RBFOX1: variants seen among roughly 807,000 people sequenced by gnomAD.
The protein encoded by RBFOX1 is RNA binding fox-1 homolog 1, also known as RNA binding protein fox-1 homolog 1.
Under a neutral mutation model 57.7 loss-of-function variants are expected in RBFOX1, and 8 were observed. The observed-to-expected ratio is 0.14, with a 90% CI of 0.08 to 0.25. RBFOX1 has a LOEUF of 0.25. Ranked by LOEUF, RBFOX1 falls within the 10% of genes least tolerant of loss-of-function variation. The pLI, the probability that RBFOX1 is intolerant of heterozygous loss-of-function variation, is 1.00. For synonymous variants in RBFOX1, 326 were observed against 222.4 expected, an observed-to-expected ratio of 1.47 and a Z score of -4.15; for missense variants, 611 against 548.5, an observed-to-expected ratio of 1.11 and a Z score of -1.14.
intron 4 of RBFOX1, among the ~76,000 whole-genome samples, chr16:7,512,187 A>T (rs951988494): frequency 2.0e-5 from 3 of 152,174 alleles, no homozygotes; most frequent in East Asian, 3.9e-4. Flanking sequence ...GAATGCTCCA[A>T]ATAATTTTGC....
intron 3 of RBFOX1, among the ~76,000 whole-genome samples, chr16:6,887,684 G>T (rs1392733833): frequency 2.0e-5 from 3 of 149,132 alleles, no homozygotes; most frequent in African/African-American, 7.5e-5. Context: ...TTTTTTTGAG[G>T]CAGAGTCTCA....
chr16:6,851,860 G>T (rs1161764290), intron 3 of RBFOX1, among the ~76,000 whole-genome samples: 1 of 152,038 alleles, frequency 6.6e-6, no homozygotes, highest in Non-Finnish European at 1.5e-5. Context: ...CTAGAACAGG[G>T]ACACCACTAT....
At chr16:6,563,747 G>T (rs1309190818) in intron 2 of RBFOX1, among the ~76,000 whole-genome samples, 1 of 152,040 alleles carries the variant, frequency 6.6e-6, no homozygotes, top group African/African-American at 2.4e-5. Flanking sequence ...CATCAGTAGG[G>T]CTTGGGAGGT....
intron 3 of RBFOX1, among the ~76,000 whole-genome samples, chr16:6,676,760 T>C (rs1198510633): frequency 1.3e-5 from 2 of 151,130 alleles, no homozygotes; most frequent in East Asian, 1.9e-4. Context: ...ACTGCAACCT[T>C]TGCCTCCCAG....
intron 3 of RBFOX1, among the ~76,000 whole-genome samples, chr16:6,855,295 G>A (rs1483773647): frequency 6.6e-6 from 1 of 152,070 alleles, no homozygotes; most frequent in Admixed American, 6.5e-5. Flanking sequence ...TAGTATACAG[G>A]TCTGAGATAG....
chr16:6,617,098 C>T (rs186664023), intron 2 of RBFOX1, among the ~76,000 whole-genome samples: 13 of 152,060 alleles, frequency 8.5e-5, no homozygotes, highest in Non-Finnish European at 8.8e-5. Context: ...TGCTTTGGCC[C>T]ACCACGAAGA....
At chr16:7,415,453 A>G (rs528333734) in intron 4 of RBFOX1, among the ~76,000 whole-genome samples, 2 of 152,300 alleles carry the variant, frequency 1.3e-5, no homozygotes, top group East Asian at 3.9e-4. Flanking sequence ...ATTTCCCAGC[A>G]ATGAGTAACG....
intron 4 of RBFOX1, among the ~76,000 whole-genome samples, chr16:7,505,242 CAAAA>C (rs34767987): frequency 1.3e-4 from 15 of 114,028 alleles, no homozygotes; most frequent in South Asian, 3.0e-4. Context: ...AGTGATGGAC[CAAAA>C]AAAAAAAAAA....
At chr16:7,072,010 C>A (rs887711291) in intron 4 of RBFOX1, among the ~76,000 whole-genome samples, 8 of 152,188 alleles carry the variant, frequency 5.3e-5, no homozygotes, top group Non-Finnish European at 1.0e-4. Flanking sequence ...TTCACTCTCG[C>A]AAACCTACTC....
At chr16:5,693,389 T>A (rs1477872397) in intron 3 of RBFOX1, among the ~76,000 whole-genome samples, 2 of 149,516 alleles carry the variant, frequency 1.3e-5, no homozygotes, top group South Asian at 2.1e-4. Flanking sequence ...AAAAACAAAA[T>A]ATCTGAAACT....
chr16:6,084,338 G>C (rs1033593217), intron 1 of RBFOX1, among the ~76,000 whole-genome samples: 1 of 152,104 alleles, frequency 6.6e-6, no homozygotes, highest in East Asian at 1.9e-4. Flanking sequence ...CGACCTCCCA[G>C]ACTCAGGTGA....
chr16:6,680,294 T>TTTTTTTTTTTTTTTTTTG lies in RBFOX1; in HGVS notation c.-16+25644_-16+25645insTTTTTTTTTTTTTTTTTG, dbSNP rs60731674. ...TCTCTCTTTTTTTTTTTTTTTTTTT[T>TTTTTTTTTTTTTTTTTTG]ATTTGTCGCCCAGGCTGGAGTGCAG... is the stretch of plus-strand genomic sequence containing the variant. On this transcript the variant is annotated intron_variant, in intron 3 of 15. Transcript: ENST00000550418. Among the ~76,000 whole-genome samples, 11 of 103,054 alleles carry TTTTTTTTTTTTTTTTTTG rather than the reference T, an allele frequency of 1.1e-4. 1 individual carries two copies. Among genetic ancestry groups the TTTTTTTTTTTTTTTTTTG allele is most frequent in the Admixed American group, 2.3e-4 (2 of 8,554 alleles). 67.6% of individuals were successfully genotyped at this position (103,054 alleles called of 152,430 possible).
chr16:6,810,113 C>A (rs190279041), intron 3 of RBFOX1, among the ~76,000 whole-genome samples: 2 of 150,800 alleles, frequency 1.3e-5, no homozygotes, highest in East Asian at 3.9e-4. Context: ...CTTTTCTTGT[C>A]AACATTTACC....
At chr16:6,718,862 T>A (rs560394426) in intron 3 of RBFOX1, among the ~76,000 whole-genome samples, 2 of 152,044 alleles carry the variant, frequency 1.3e-5, no homozygotes, top group Non-Finnish European at 2.9e-5. Flanking sequence ...TTTTTTTTTG[T>A]TGTTGTTGCT....
intron 3 of RBFOX1, among the ~76,000 whole-genome samples, chr16:6,959,623 A>T (rs542511631): frequency 1.3e-5 from 2 of 152,180 alleles, no homozygotes; most frequent in East Asian, 3.9e-4. Context: ...TCCAGCACTG[A>T]CTGAGTGGTT....
intron 3 of RBFOX1, among the ~76,000 whole-genome samples, chr16:6,937,064 C>T (rs935080068): frequency 6.6e-6 from 1 of 151,524 alleles, no homozygotes; most frequent in Non-Finnish European, 1.5e-5. Flanking sequence ...GCACAATGTG[C>T]ACATGTACCC....
Position 6,041,126 on chromosome 16 carries a change from C to A in RBFOX1, c.-127+21134C>A, listed in dbSNP as rs547669104. ...CTTATTCTTCCCTCCCTGCTCTCCC[C>A]CTGCAGGTTCCTGGCAACCACTCAT... On this transcript the variant is annotated intron_variant, in intron 1 of 15. Transcript: ENST00000550418. Among the ~76,000 whole-genome samples, 3 of 152,178 alleles carry A rather than the reference C, an allele frequency of 2.0e-5. No individual in the cohort carries two copies. In the East Asian group the frequency reaches 5.8e-4, roughly 29 times the overall value.
Position 5,972,509 on chromosome 16 carries a change from G to A in RBFOX1, c.351+105174G>A, listed in dbSNP as rs1376747305. The stretch of plus-strand genomic sequence containing the variant: ...TCTCTTAAAATGAGAATGTTTCTGG[G>A]AAAGGGAAGGGGAGTTGGCCCTTAT... On this transcript the variant is annotated intron_variant, in intron 4 of 19. Coordinates refer to the RBFOX1 transcript ENST00000641259. Among the ~76,000 whole-genome samples, 3 of 152,192 alleles carry A rather than the reference G, an allele frequency of 2.0e-5. No homozygotes were observed. The South Asian group carries it at 6.2e-4, about 32-fold the overall frequency.
At chr16:7,028,716 T>G (rs1048217749) in intron 3 of RBFOX1, among the ~76,000 whole-genome samples, 16 of 151,746 alleles carry the variant, frequency 1.1e-4, no homozygotes, top group African/African-American at 3.6e-4. Context: ...TGTGAATTAT[T>G]GCAGGACTTG....
Sources: gnomAD v4.1 joint callset for allele counts (sites outside exome capture counted in the v4.1 genomes callset) on GRCh38, gnomAD v4.1.1 for gene constraint, MANE v1.5 for transcripts, NCBI Gene and HGNC (gene_info 2026-07-23, HGNC 2026-07-21) for gene names.